The following LRP1B variants were observed in gnomAD, a reference collection of about 807,000 sequenced individuals.
LRP1B encodes LDL receptor related protein 1B.
A neutral mutation model predicts 556.6 loss-of-function variants in LRP1B; 217 were observed. The ratio of observed to expected loss-of-function variants is 0.39; its 90% CI spans 0.35 to 0.44. The LOEUF is 0.44. Ranked by LOEUF, LRP1B falls within the 20% of genes least tolerant of loss-of-function variation. The pLI is 1.00. For missense variants in LRP1B, 5,053 were observed against 5,620.8 expected (o/e 0.90, Z 3.23); for synonymous variants, 2,047 against 1,865.8 (o/e 1.10, Z -2.50).
At chr2:141,105,988 G>T (rs897104588) in intron 7 of LRP1B, among the ~76,000 whole-genome samples, 12 of 152,032 alleles carry the variant, frequency 7.9e-5, no homozygotes, top group Non-Finnish European at 1.3e-4. Flanking sequence ...TCCACAGGGG[G>T]CCAAACTCTG....
chr2:141,314,830 GTATA>G (rs1429208067), intron 3 of LRP1B, among the ~76,000 whole-genome samples: 3 of 124,300 alleles, frequency 2.4e-5, no homozygotes, highest in East Asian at 2.3e-4. Context: ...ATATATATGT[GTATA>G]TATATATATA....
intron 43 of LRP1B, among the ~76,000 whole-genome samples, chr2:140,583,171 CTTTTTTTTTTT>C (rs1219194754): frequency 2.1e-5 from 1 of 48,024 alleles, no homozygotes; most frequent in Non-Finnish European, 4.9e-5. Context: ...CCTTTTTTTT[CTTTTTTTTTTT>C]TTTTTTTTTT....
At chr2:141,259,300 C>T (rs997365340) in intron 3 of LRP1B, among the ~76,000 whole-genome samples, 3 of 135,098 alleles carry the variant, frequency 2.2e-5, no homozygotes, top group Non-Finnish European at 4.9e-5. Context: ...GCTTTACCTC[C>T]AACTGTTTCA....
Position 140,433,687 on chromosome 2 carries a change from T to C in LRP1B, c.10414+8817A>G, listed in dbSNP as rs184855129. On this transcript the variant is annotated intron_variant, in intron 66 of 90. Coordinates refer to ENST00000389484, the MANE Select transcript of LRP1B (RefSeq NM_018557.3). ...ATTAATTTAGTTTAAATATAAATTA[T>C]AAGTTTAAGTCAGAGACCTGATTGC... Among the ~76,000 whole-genome samples, 207 of 152,306 alleles carry C rather than the reference T, an allele frequency of 1.4e-3. 4 individuals carry two copies. Among genetic ancestry groups the C allele is most frequent in the Admixed American group, 0.014 (207 of 15,304 alleles).
At chr2:140,446,196 A>G (rs1686652977) in intron 63 of LRP1B, among the ~76,000 whole-genome samples, 2 of 152,104 alleles carry the variant, frequency 1.3e-5, no homozygotes, top group African/African-American at 4.8e-5. Flanking sequence ...TGCTTTGTAT[A>G]CAATTTTCTC....
chr2:141,640,033 A>G (rs1689273680), intron 2 of LRP1B, among the ~76,000 whole-genome samples: 1 of 152,184 alleles, frequency 6.6e-6, no homozygotes, highest in Non-Finnish European at 1.5e-5. Flanking sequence ...CTTGAACCCA[A>G]CTGAATTGTA....
At chr2:140,622,537 G>T (rs1242996575) in intron 41 of LRP1B, among the ~76,000 whole-genome samples, 1 of 152,144 alleles carries the variant, frequency 6.6e-6, no homozygotes, top group Admixed American at 6.6e-5. Flanking sequence ...CAACGGCTGA[G>T]GTGAAGATGA....
chr2:140,410,584 G>A (rs1684932828), intron 66 of LRP1B, among the ~76,000 whole-genome samples: 1 of 152,018 alleles, frequency 6.6e-6, no homozygotes, highest in South Asian at 2.1e-4. Context: ...AATTTAATAT[G>A]AGAATTCAAA....
chr2:141,048,767 GT>G (rs945405417), intron 11 of LRP1B, among the ~76,000 whole-genome samples: 4 of 152,038 alleles, frequency 2.6e-5, no homozygotes, highest in Non-Finnish European at 5.9e-5. Context: ...TTAGAATATA[GT>G]AGACAACACC....
At chr2:141,676,736 C>T (rs953432895) in intron 2 of LRP1B, among the ~76,000 whole-genome samples, 2 of 151,986 alleles carry the variant, frequency 1.3e-5, no homozygotes, top group African/African-American at 4.8e-5. Flanking sequence ...TGAAACTTTC[C>T]CTTAGAGTAT....
chr2:141,899,549 AC>A (rs1699556016), intron 1 of LRP1B, among the ~76,000 whole-genome samples: 1 of 152,120 alleles, frequency 6.6e-6, no homozygotes, highest in Non-Finnish European at 1.5e-5. Flanking sequence ...AGCTTTTGAA[AC>A]ATTTCCAATT....
intron 27 of LRP1B, among the ~76,000 whole-genome samples, chr2:140,859,216 T>C (rs1321773419): frequency 6.6e-6 from 1 of 152,076 alleles, no homozygotes; most frequent in Non-Finnish European, 1.5e-5. Flanking sequence ...TTTTTGAGGG[T>C]ATTTCTTTTT....
chr2:141,667,160 C>T (rs1558791927), intron 2 of LRP1B, among the ~76,000 whole-genome samples: 1 of 152,132 alleles, frequency 6.6e-6, no homozygotes, highest in East Asian at 1.9e-4. Context: ...AGCTACCGTA[C>T]TGTACTTACC....
intron 37 of LRP1B, among the ~76,000 whole-genome samples, chr2:140,703,464 CT>C (rs571483771): frequency 1.7e-4 from 26 of 152,196 alleles, no homozygotes; most frequent in African/African-American, 4.8e-4. Flanking sequence ...ATAATTCCTT[CT>C]TAATTCTTAA....
At chr2:140,945,523 G>A (rs1473674639) in intron 20 of LRP1B, among the ~76,000 whole-genome samples, 4 of 151,980 alleles carry the variant, frequency 2.6e-5, no homozygotes, top group Admixed American at 1.3e-4. Context: ...ACAGATCAAC[G>A]GAACAGAATA....
At chr2:141,925,471 T>C (rs1211576677) in intron 1 of LRP1B, among the ~76,000 whole-genome samples, 1 of 152,128 alleles carries the variant, frequency 6.6e-6, no homozygotes, top group Admixed American at 6.6e-5. Context: ...AACAAAACAC[T>C]AACTAAGCTA....
chr2:141,112,071 T>TA (rs1553461490), intron 7 of LRP1B, among the ~76,000 whole-genome samples: 19 of 145,820 alleles, frequency 1.3e-4, no homozygotes, highest in South Asian at 2.2e-4. Context: ...AATAAATAAA[T>TA]AATAAATAAA....
Position 140,414,578 on chromosome 2 carries a change from C to T in LRP1B, c.10414+27926G>A, listed in dbSNP as rs370488121. On this transcript the variant is annotated intron_variant, in intron 66 of 90. Coordinates refer to ENST00000389484, the MANE Select transcript of LRP1B (RefSeq NM_018557.3). ...CGAATAGAGGGACCAGCTGGAGCCG[C>T]GGCAGAGGAACATAAATTGCAAAGA... Among the ~76,000 whole-genome samples the T allele has an allele frequency of 2.2e-3, 328 of 152,156 alleles. 3 individuals are homozygous for T. The highest frequency in any genetic ancestry group is 7.5e-3 in the African/African-American group (310 of 41,494).
At chr2:140,987,970 C>G (rs1457287414) in intron 17 of LRP1B, among the ~76,000 whole-genome samples, 1 of 151,728 alleles carries the variant, frequency 6.6e-6, no homozygotes, top group East Asian at 1.9e-4. Context: ...GGAGACAGAG[C>G]AAGACTGTCG....
Sources: allele counts gnomAD v4.1 joint callset (sites outside exome capture counted in the v4.1 genomes callset), GRCh38; gene constraint gnomAD v4.1.1; transcripts MANE v1.5; gene names NCBI Gene and HGNC (gene_info 2026-07-23, HGNC 2026-07-21).